Variants in DIAPH3 observed in about 807,000 individuals in gnomAD.
The protein encoded by DIAPH3 is diaphanous related formin 3, also known as protein diaphanous homolog 3.
DIAPH3 carries 117 observed loss-of-function variants against 144.3 expected under a neutral mutation model. That is an observed-to-expected ratio of 0.81 (90% CI 0.70 to 0.95). The LOEUF is 0.95. Among genes scored for constraint, DIAPH3 ranks in the 40% least tolerant of loss-of-function variants. The pLI is 0.00. For synonymous variants in DIAPH3, 519 were observed against 488.9 expected (o/e 1.06, Z -0.81); for missense variants, 1,421 against 1,412.7 (o/e 1.01, Z -0.09).
chr13:59,794,231 T>C (rs572557854), intron 25 of DIAPH3, among the ~76,000 whole-genome samples: 4 of 152,298 alleles, frequency 2.6e-5, no homozygotes, highest in Admixed American at 2.6e-4. Context: ...TATGATGGGT[T>C]TATCTGGACA....
At chr13:59,926,643 A>G (rs1182076588) in intron 17 of DIAPH3, among the ~76,000 whole-genome samples, 3 of 152,202 alleles carry the variant, frequency 2.0e-5, no homozygotes, top group Non-Finnish European at 2.9e-5. Context: ...TAAAGTTCCC[A>G]AAGTTCCTGT....
chr13:60,055,988 C>T (rs1390944157), intron 4 of DIAPH3, among the ~76,000 whole-genome samples: 1 of 151,530 alleles, frequency 6.6e-6, no homozygotes, highest in Non-Finnish European at 1.5e-5. Flanking sequence ...ATGTTTCATA[C>T]ACTTGAAATG....
At chr13:59,774,277 A>G (rs2038277496) in intron 26 of DIAPH3, 29 bp from the exon 27 acceptor site, 1 of 1,572,320 alleles carries the variant, frequency 6.4e-7, no homozygotes, top group Non-Finnish European at 8.7e-7. Flanking sequence ...AAATAAACTT[A>G]ATATAGAGGT....
At chr13:60,057,621 C>T (rs184906572) in intron 4 of DIAPH3, among the ~76,000 whole-genome samples, 1 of 151,898 alleles carries the variant, frequency 6.6e-6, no homozygotes, top group Non-Finnish European at 1.5e-5. Context: ...AATCTGCAGG[C>T]ATCACGTTAT....
At chr13:59,764,209 T>C (rs150018876) in intron 27 of DIAPH3, among the ~76,000 whole-genome samples, 9 of 152,108 alleles carry the variant, frequency 5.9e-5, no homozygotes, top group Non-Finnish European at 1.0e-4. Context: ...AGCGCAATTG[T>C]TCCTAACAAT....
intron 4 of DIAPH3, among the ~76,000 whole-genome samples, chr13:60,082,951 A>G (rs1180927457): frequency 6.6e-6 from 1 of 152,120 alleles, no homozygotes; most frequent in Non-Finnish European, 1.5e-5. Context: ...ACATCCACAC[A>G]CGCTTTTTTA....
chr13:59,735,363 T>G (rs2036092170), intron 27 of DIAPH3, among the ~76,000 whole-genome samples: 1 of 152,306 alleles, frequency 6.6e-6, no homozygotes, highest in East Asian at 1.9e-4. Context: ...TTTGCAGAAT[T>G]TGAAGAACAT....
intron 24 of DIAPH3, among the ~76,000 whole-genome samples, chr13:59,819,009 G>A (rs2040925506): frequency 6.6e-6 from 1 of 151,632 alleles, no homozygotes; most frequent in Non-Finnish European, 1.5e-5. Context: ...AGGCCTATAT[G>A]TATTACTTTT....
chr13:59,918,544 C>G (rs1190999497), intron 18 of DIAPH3, among the ~76,000 whole-genome samples: 2 of 152,116 alleles, frequency 1.3e-5, no homozygotes, highest in Admixed American at 1.3e-4. Flanking sequence ...ACATTAAGAA[C>G]CACGAAAGTA....
chr13:60,016,057 TTAGCAA>T lies in DIAPH3; in HGVS notation c.701+8_701+13del. ...AATGATGCTTACTTGAAAATAATTA[TTAGCAA>T]TACTTACATTTTTCCACTAATCAGT... On this transcript the variant is annotated splice_region_variant and intron_variant, in intron 6 of 27. Transcript: ENST00000400324. 2.5e-6 allele frequency: 4 copies of T among 1,611,412 alleles called. No individual in the cohort carries two copies. Among genetic ancestry groups the T allele is most frequent in the Non-Finnish European group, 3.4e-6 (4 of 1,177,974 alleles).
intron 27 of DIAPH3, among the ~76,000 whole-genome samples, chr13:59,768,288 C>CA (rs1283931125): frequency 2.6e-5 from 4 of 151,982 alleles, no homozygotes; most frequent in Non-Finnish European, 2.9e-5. Flanking sequence ...AAAATACTCT[C>CA]AAAAAATAGG....
At chr13:59,897,018 A>G (rs1300267728) in intron 20 of DIAPH3, among the ~76,000 whole-genome samples, 1 of 152,214 alleles carries the variant, frequency 6.6e-6, no homozygotes, top group Non-Finnish European at 1.5e-5. Context: ...GCCAAAGTAT[A>G]GAAAGTCTGG....
intron 2 of DIAPH3, among the ~76,000 whole-genome samples, chr13:60,116,786 A>C (rs2058716008): frequency 1.3e-5 from 2 of 152,206 alleles, no homozygotes; most frequent in African/African-American, 4.8e-5. Flanking sequence ...AAGACATAAA[A>C]TCTTAATTTT....
chr13:60,080,098 C>T (rs1307181344), intron 4 of DIAPH3, among the ~76,000 whole-genome samples: 2 of 151,794 alleles, frequency 1.3e-5, no homozygotes, highest in East Asian at 1.9e-4. Context: ...GTTTTAAGGG[C>T]TAAATAAGTT....
At chr13:60,121,399 C>T (rs185502382) in intron 2 of DIAPH3, among the ~76,000 whole-genome samples, 11 of 152,136 alleles carry the variant, frequency 7.2e-5, no homozygotes, top group Non-Finnish European at 1.3e-4. Flanking sequence ...GGGTACAGAA[C>T]GATAGCAGAA....
chr13:60,068,778 A>T (rs2057078080), intron 4 of DIAPH3, among the ~76,000 whole-genome samples: 1 of 152,178 alleles, frequency 6.6e-6, no homozygotes, highest in Non-Finnish European at 1.5e-5. Flanking sequence ...GCTTAGGATA[A>T]TGGCCTCTGG....
chr13:60,085,255 T>C (rs1159400086), intron 4 of DIAPH3, among the ~76,000 whole-genome samples: 1 of 152,146 alleles, frequency 6.6e-6, no homozygotes, highest in Non-Finnish European at 1.5e-5. Context: ...CTAGTATGTA[T>C]GGTACTTGAA....
chr13:59,820,199 T>C (rs2040988749), intron 24 of DIAPH3, among the ~76,000 whole-genome samples: 1 of 151,956 alleles, frequency 6.6e-6, no homozygotes, highest in Admixed American at 6.6e-5. Flanking sequence ...CCAATTTTCA[T>C]AGTTCCTATA....
At position 59,735,086 on chromosome 13, in the gene DIAPH3, TATA is replaced by T. The variant is rs372573331; in HGVS notation, c.3319+39100_3319+39102del. On this transcript the variant is annotated intron_variant, in intron 27 of 27. Transcript: ENST00000400324. ...TTTAAATAGAATGTTTACAAAATAT[TATA>T]ATAAGACTTCTTGAAAAACAGAATT... 5.6e-3 allele frequency among the ~76,000 whole-genome samples: 848 copies of T among 152,170 alleles called. 4 individuals carry two copies. Among genetic ancestry groups the T allele is most frequent in the South Asian group, 0.041 (197 of 4,802 alleles).
Sources: gnomAD v4.1 joint callset for allele counts (sites outside exome capture counted in the v4.1 genomes callset) on GRCh38, gnomAD v4.1.1 for gene constraint, MANE v1.5 for transcripts, NCBI Gene and HGNC (gene_info 2026-07-23, HGNC 2026-07-21) for gene names.